ZFHX3: variants seen among roughly 807,000 people sequenced by gnomAD.
The protein encoded by ZFHX3 is zinc finger homeobox 3.
A neutral mutation model predicts 279.1 loss-of-function variants in ZFHX3; 42 were observed. That is an observed-to-expected ratio of 0.15 (90% CI 0.12 to 0.19). The LOEUF (loss-of-function observed/expected upper bound fraction) is 0.19, where lower values mean the gene tolerates loss of function less well. Among genes scored for constraint, ZFHX3 ranks in the 10% least tolerant of loss-of-function variants. The pLI, the probability that ZFHX3 is intolerant of heterozygous loss-of-function variation, is 1.00. For missense variants in ZFHX3, 4,981 were observed against 4,754.0 expected (o/e 1.05, Z -1.40); for synonymous variants, 2,293 against 1,957.8 (o/e 1.17, Z -4.52).
intron 2 of ZFHX3, among the ~76,000 whole-genome samples, chr16:73,646,118 T>C (rs2052616279): frequency 6.6e-6 from 1 of 152,204 alleles, no homozygotes; most frequent in South Asian, 2.1e-4. Context: ...TCTAAAGAAA[T>C]AAGTGAACTG....
chr16:72,997,500 C>T (rs1963341099), intron 1 of ZFHX3, among the ~76,000 whole-genome samples: 1 of 152,218 alleles, frequency 6.6e-6, no homozygotes, highest in African/African-American at 2.4e-5. Flanking sequence ...TCTCGCTACA[C>T]ATCTGTCTCC....
chr16:73,774,254 A>G (rs915621731), intron 1 of ZFHX3, among the ~76,000 whole-genome samples: 7 of 152,128 alleles, frequency 4.6e-5, no homozygotes, highest in Admixed American at 3.3e-4. Flanking sequence ...GACATTGTCT[A>G]TTTTACTATT....
intron 1 of ZFHX3, among the ~76,000 whole-genome samples, chr16:73,802,808 C>T (rs993852265): frequency 1.3e-5 from 2 of 152,028 alleles, no homozygotes; most frequent in African/African-American, 4.8e-5. Flanking sequence ...ATCAACAAAG[C>T]ATTATGATTT....
intron 2 of ZFHX3, among the ~76,000 whole-genome samples, chr16:73,677,048 C>T (rs1392143506): frequency 6.6e-6 from 1 of 151,948 alleles, no homozygotes; most frequent in Admixed American, 6.6e-5. Flanking sequence ...CCAAAGGATA[C>T]AGTGGAGCTT....
intron 1 of ZFHX3, among the ~76,000 whole-genome samples, chr16:73,024,371 C>T (rs1366815777): frequency 6.6e-6 from 1 of 152,120 alleles, no homozygotes; most frequent in Non-Finnish European, 1.5e-5. Context: ...CTCATCATGC[C>T]CCGCAGGCAA....
intron 3 of ZFHX3, among the ~76,000 whole-genome samples, chr16:72,910,287 A>T (rs1263190753): frequency 6.6e-6 from 1 of 152,226 alleles, no homozygotes; most frequent in Non-Finnish European, 1.5e-5. Flanking sequence ...TCCAGTTTTA[A>T]ACAGCCAGGG....
intron 4 of ZFHX3, among the ~76,000 whole-genome samples, chr16:73,282,180 A>T (rs1047064885): frequency 2.6e-5 from 4 of 152,286 alleles, no homozygotes; most frequent in Admixed American, 2.6e-4. Context: ...TCTTGTTCCC[A>T]GTCCTAAGTA....
chr16:73,188,807 T>A (rs965590676), intron 5 of ZFHX3, among the ~76,000 whole-genome samples: 1 of 152,018 alleles, frequency 6.6e-6, no homozygotes, highest in African/African-American at 2.4e-5. Flanking sequence ...AACACTTAGG[T>A]TCTCACTTTT....
At position 73,028,087 on chromosome 16, in the gene ZFHX3, C is replaced by A. The variant is rs371712258; in HGVS notation, c.-50+19665G>T. On this transcript the variant is annotated intron_variant, in intron 1 of 9. Transcript: ENST00000268489. ...GACAGTGGGTCGGGTCAGGGCAGGG[C>A]AGGATAGGACACGGCCCCTCCGGGA... Among the ~76,000 whole-genome samples the A allele has an allele frequency of 6.7e-4, 102 of 152,114 alleles. No homozygotes were observed. The South Asian group carries it at 0.019, about 29-fold the overall frequency.
chr16:73,191,569 A>G (rs1430190868), intron 5 of ZFHX3, among the ~76,000 whole-genome samples: 6 of 152,116 alleles, frequency 3.9e-5, no homozygotes, highest in Non-Finnish European at 8.8e-5. Context: ...CAGAAAAACA[A>G]AAAACCAAAC....
intron 1 of ZFHX3, among the ~76,000 whole-genome samples, chr16:73,710,275 C>T (rs2053346244): frequency 6.6e-6 from 1 of 152,186 alleles, no homozygotes; most frequent in Admixed American, 6.5e-5. Flanking sequence ...AGCTGTTATA[C>T]TTATTAAAGA....
intron 1 of ZFHX3, among the ~76,000 whole-genome samples, chr16:73,682,892 A>AAG (rs1309951284): frequency 0.046 from 1,301 of 28,122 alleles, 59 homozygotes; most frequent in East Asian, 0.14. Flanking sequence ...GAAAGAAAGA[A>AAG]AGAAAGAAAG....
rs1001912064 is a variant in ZFHX3 at position 72,787,420 on chromosome 16, T to C, written c.10856A>G (p.Gln3619Arg). The C allele has an allele frequency of 2.8e-6, 4 of 1,412,052 alleles. No individual in the cohort carries two copies. The highest frequency in any genetic ancestry group is 1.6e-5 in the African/African-American group (1 of 63,568). 87.5% of individuals were successfully genotyped at this position (1,412,052 alleles called of 1,614,324 possible). A position where few individuals can be genotyped will look rare whatever the true frequency, so the allele number is the denominator to read the frequency against. ...CGCTGCCGAAGCCCGGGAGACCACTTGCGGCCAAGACTTCCTGGAGGCGTG... is the reference window on the plus strand; with the variant it reads ...CGCTGCCGAAGCCCGGGAGACCACTCGCGGCCAAGACTTCCTGGAGGCGTG... ...SPHASRKSWPQVVSRASAAKP... is the reference protein window; with the variant it reads ...SPHASRKSWPRVVSRASAAKP... Residue 3619 changes from glutamine (Q) to arginine (R), a missense_variant, in exon 10 of 10, where the codon CAA becomes CGA. Around this residue, in one of 7 missense-constraint regions of ZFHX3, gnomAD observed 1,034 missense variants for 786.0 expected, o/e 1.32. Coordinates refer to ENST00000268489, the MANE Select transcript of ZFHX3 (RefSeq NM_006885.4).
At chr16:73,287,729 T>A (rs1290294114) in intron 4 of ZFHX3, among the ~76,000 whole-genome samples, 2 of 148,610 alleles carry the variant, frequency 1.3e-5, no homozygotes, top group South Asian at 2.2e-4. Flanking sequence ...GCTGTGTGGG[T>A]CGGTGTGTGG....
chr16:72,979,885 T>G (rs1229433362), intron 1 of ZFHX3, among the ~76,000 whole-genome samples: 1 of 152,138 alleles, frequency 6.6e-6, no homozygotes, highest in African/African-American at 2.4e-5. Context: ...GATAAAGGCA[T>G]GCTAGGTATG....
chr16:72,830,494 G>A (rs2037036722), intron 4 of ZFHX3, among the ~76,000 whole-genome samples: 1 of 152,240 alleles, frequency 6.6e-6, no homozygotes, highest in Non-Finnish European at 1.5e-5. Context: ...AGTGAGATTT[G>A]TAGAGTAAGG....
intron 1 of ZFHX3, among the ~76,000 whole-genome samples, chr16:73,823,704 CTGAAAATATTCAGTATCT>C (rs1216222502): frequency 6.6e-6 from 1 of 152,180 alleles, no homozygotes; most frequent in Non-Finnish European, 1.5e-5. Flanking sequence ...ACCCGCAAAA[CTGAAAATATTCAGTATCT>C]GGCCCTTTAC....
At chr16:73,001,799 A>C (rs1963508238) in intron 1 of ZFHX3, among the ~76,000 whole-genome samples, 1 of 151,822 alleles carries the variant, frequency 6.6e-6, no homozygotes, top group African/African-American at 2.4e-5. Context: ...TTCAGCTTGG[A>C]CAAGACAGTG....
chr16:73,502,451 A>C (rs1048450283), intron 2 of ZFHX3, among the ~76,000 whole-genome samples: 1 of 152,236 alleles, frequency 6.6e-6, no homozygotes, highest in Admixed American at 6.5e-5. Context: ...CCTGATCCCA[A>C]GTCAATCATA....
Sources: gnomAD v4.1 joint callset for allele counts (sites outside exome capture counted in the v4.1 genomes callset) on GRCh38, gnomAD v4.1.1 for gene constraint, gnomAD v4.1.1 regional missense constraint, MANE v1.5 for transcripts, NCBI Gene and HGNC (gene_info 2026-07-23, HGNC 2026-07-21) for gene names.